The following SH3PXD2A variants were observed in gnomAD, a reference collection of about 807,000 sequenced individuals.
SH3PXD2A encodes SH3 and PX domains 2A.
A neutral mutation model predicts 115.2 loss-of-function variants in SH3PXD2A; 32 were observed. The ratio of observed to expected loss-of-function variants is 0.28; its 90% CI spans 0.21 to 0.37. SH3PXD2A has a LOEUF of 0.37. Among genes scored for constraint, SH3PXD2A ranks in the 10% least tolerant of loss-of-function variants. The probability of loss-of-function intolerance (pLI) is 1.00; values close to 1 mark genes in which losing one functional copy is unlikely to be tolerated. For synonymous variants in SH3PXD2A, 610 were observed against 629.1 expected (o/e 0.97, Z 0.45); for missense variants, 1,328 against 1,498.7 (o/e 0.89, Z 1.88).
intron 3 of SH3PXD2A, among the ~76,000 whole-genome samples, chr10:103,758,728 G>A (rs2038668560): frequency 6.6e-6 from 1 of 152,208 alleles, no homozygotes; most frequent in Admixed American, 6.5e-5. Context: ...ATTACATCAA[G>A]AGAAGACAAA....
intron 1 of SH3PXD2A, among the ~76,000 whole-genome samples, chr10:103,805,090 A>ACCAAG (rs2039188279): frequency 1.3e-5 from 2 of 152,186 alleles, no homozygotes; most frequent in Non-Finnish European, 2.9e-5. Context: ...TCCGGAACCA[A>ACCAAG]CCAAGCGGAG....
intron 13 of SH3PXD2A, among the ~76,000 whole-genome samples, 158 bp from the exon 14 acceptor site, chr10:103,606,075 G>A (rs939433280): frequency 3.9e-5 from 6 of 152,230 alleles, no homozygotes; most frequent in South Asian, 2.1e-4. Context: ...GGGAGTCTCA[G>A]GGTATATATC....
intron 5 of SH3PXD2A, among the ~76,000 whole-genome samples, chr10:103,722,269 A>G (rs920399224): frequency 6.9e-6 from 1 of 145,300 alleles, no homozygotes; most frequent in Admixed American, 7.1e-5. Context: ...GCTCCACTGC[A>G]CTCCAGCCTG....
chr10:103,674,054 G>C (rs917224446), intron 6 of SH3PXD2A, among the ~76,000 whole-genome samples: 4 of 152,174 alleles, frequency 2.6e-5, no homozygotes, highest in African/African-American at 9.7e-5. Flanking sequence ...TTGCAGTTTT[G>C]AACTGGTTTC....
intron 3 of SH3PXD2A, among the ~76,000 whole-genome samples, chr10:103,763,630 C>G (rs1284445387): frequency 6.6e-6 from 1 of 152,184 alleles, no homozygotes; most frequent in African/African-American, 2.4e-5. Context: ...TGAGCTGGTG[C>G]TAGTGTGTAT....
intron 1 of SH3PXD2A, among the ~76,000 whole-genome samples, chr10:103,817,977 A>G (rs1308100994): frequency 2.0e-5 from 3 of 152,212 alleles, no homozygotes; most frequent in African/African-American, 7.2e-5. Context: ...GATGATGAAA[A>G]TGTTTAAAAA....
At chr10:103,611,976 T>C (rs2133929636) in intron 12 of SH3PXD2A, among the ~76,000 whole-genome samples, 1 of 152,326 alleles carries the variant, frequency 6.6e-6, no homozygotes, top group South Asian at 2.1e-4. Context: ...TGTTTTTTGC[T>C]TACTATTAAA....
chr10:103,786,866 C>T (rs532695478), intron 2 of SH3PXD2A, among the ~76,000 whole-genome samples: 1 of 152,262 alleles, frequency 6.6e-6, no homozygotes, highest in East Asian at 1.9e-4. Context: ...CCTCCCCTGC[C>T]TCAGGAGGAG....
chr10:103,705,318 T>C (rs569556562), intron 5 of SH3PXD2A, among the ~76,000 whole-genome samples: 9 of 152,342 alleles, frequency 5.9e-5, no homozygotes, highest in Admixed American at 1.3e-4. Context: ...GGCCAGGCCT[T>C]GGTGGGAGTC....
chr10:103,652,027 T>C (rs1021312980), intron 8 of SH3PXD2A, among the ~76,000 whole-genome samples: 1 of 152,178 alleles, frequency 6.6e-6, no homozygotes, highest in Non-Finnish European at 1.5e-5. Flanking sequence ...CTTGGCAAAC[T>C]TACTCTGAGT....
chr10:103,661,691 G>A (rs1184554196), intron 7 of SH3PXD2A: 1 of 985,152 alleles, frequency 1.0e-6, no homozygotes, highest in Non-Finnish European at 1.2e-6. Flanking sequence ...GGAGAGAGCG[G>A]GAGAGAGCTT....
chr10:103,610,202 T>C (rs1456492964), intron 13 of SH3PXD2A, among the ~76,000 whole-genome samples: 2 of 152,248 alleles, frequency 1.3e-5, no homozygotes, highest in Non-Finnish European at 2.9e-5. Flanking sequence ...TCTGCCACCT[T>C]TCCTGGCCCC....
chr10:103,651,488 T>C (rs1306712896), intron 8 of SH3PXD2A, among the ~76,000 whole-genome samples: 1 of 152,214 alleles, frequency 6.6e-6, no homozygotes, highest in Non-Finnish European at 1.5e-5. Context: ...CTCTGGAGTT[T>C]GGCTTTGCAA....
intron 2 of SH3PXD2A, among the ~76,000 whole-genome samples, chr10:103,767,810 G>GTTTTGTTTT (rs1490820010): frequency 4.4e-5 from 3 of 67,740 alleles, no homozygotes; most frequent in African/African-American, 1.7e-4. Flanking sequence ...CAACTGTTTT[G>GTTTTGTTTT]TTTTTTTTTT....
At chr10:103,803,146 C>A (rs560993985) in intron 1 of SH3PXD2A, among the ~76,000 whole-genome samples, 3 of 152,232 alleles carry the variant, frequency 2.0e-5, no homozygotes, top group African/African-American at 7.2e-5. Context: ...CAGACTCATG[C>A]CATGGCGAGT....
chr10:103,822,792 A>G (rs1377416005), intron 1 of SH3PXD2A, among the ~76,000 whole-genome samples: 1 of 152,258 alleles, frequency 6.6e-6, no homozygotes, highest in Non-Finnish European at 1.5e-5. Context: ...ATGGACCAAG[A>G]ATATAAATAA....
At chr10:103,824,953 C>T (rs1179321508) in intron 1 of SH3PXD2A, among the ~76,000 whole-genome samples, 2 of 152,208 alleles carry the variant, frequency 1.3e-5, no homozygotes, top group African/African-American at 2.4e-5. Flanking sequence ...CAGAAGTGCA[C>T]CACCAAGCTT....
chr10:103,629,465 C>T lies in SH3PXD2A; in HGVS notation c.605-2263G>A, dbSNP rs139559843. Among the ~76,000 whole-genome samples the T allele has an allele frequency of 2.1e-4, 32 of 152,300 alleles. No homozygotes were observed. In the East Asian group the frequency reaches 5.8e-3, roughly 28 times the overall value. ...CAGGTGGCTTGTAATTATGGGAACT[C>T]AGGAAGGGTCCAGACCATGCTTGGG... On this transcript the variant is annotated intron_variant, in intron 8 of 14. Coordinates refer to ENST00000369774, the MANE Select transcript of SH3PXD2A (RefSeq NM_001394015.1).
rs920388584 is a variant in SH3PXD2A at position 103,668,711 on chromosome 10, T to G, written c.428-59A>C. Reference sequence around the variant, plus strand: ...GAGGAGAACCAGAGAGAGAGAACGGTTAGGCAGGCAGGAGGTCCACAGTGA... The same window carrying G: ...GAGGAGAACCAGAGAGAGAGAACGGGTAGGCAGGCAGGAGGTCCACAGTGA... On this transcript the variant is annotated intron_variant, in intron 6 of 14. Coordinates refer to ENST00000369774, the MANE Select transcript of SH3PXD2A (RefSeq NM_001394015.1). The G allele has an allele frequency of 3.4e-6, 5 of 1,474,308 alleles. No homozygotes were observed. In the African/African-American group the frequency reaches 5.6e-5, roughly 17 times the overall value. The allele number at this position is 1,474,308 out of a possible 1,614,324, so 91.3% of individuals were successfully genotyped here. A position where few individuals can be genotyped will look rare whatever the true frequency, so the allele number is the denominator to read the frequency against.
Sources: gnomAD v4.1 joint callset for allele counts (sites outside exome capture counted in the v4.1 genomes callset) on GRCh38, gnomAD v4.1.1 for gene constraint, MANE v1.5 for transcripts, NCBI Gene and HGNC (gene_info 2026-07-23, HGNC 2026-07-21) for gene names.